SRRM3: variants seen among roughly 807,000 people sequenced by gnomAD.
SRRM3 encodes the protein serine/arginine repetitive matrix protein 3.
In SRRM3, 27 loss-of-function variants were observed where a neutral mutation model predicts 66.2. That is an observed-to-expected ratio of 0.41 (90% CI 0.30 to 0.56). The LOEUF (loss-of-function observed/expected upper bound fraction) is 0.56. Among genes scored for constraint, SRRM3 ranks in the 20% least tolerant of loss-of-function variants. SRRM3 has a pLI of 0.32. For synonymous variants in SRRM3, 391 were observed against 414.9 expected, an observed-to-expected ratio of 0.94 and a Z score of 0.70; for missense variants, 918 against 991.9, an observed-to-expected ratio of 0.93 and a Z score of 1.00.
At chr7:76,206,295 G>A (rs564820104) in intron 1 of SRRM3, among the ~76,000 whole-genome samples, 18 of 152,254 alleles carry the variant, frequency 1.2e-4, no homozygotes, top group African/African-American at 3.1e-4. Context: ...GAGAAGAGTC[G>A]GATGAGGGGA....
At chr7:76,244,884 C>G (rs1801399306) in intron 2 of SRRM3, among the ~76,000 whole-genome samples, 1 of 152,264 alleles carries the variant, frequency 6.6e-6, no homozygotes, top group South Asian at 2.1e-4. Flanking sequence ...TCATTTAGCA[C>G]ACATTTTTGG....
Position 76,267,425 on chromosome 7 carries a change from G to C in SRRM3, c.998G>C (p.Ser333Thr). 7.3e-7 allele frequency: 1 copy of C among 1,365,878 alleles called. No individual in the cohort carries two copies. Among genetic ancestry groups the C allele is most frequent in the Non-Finnish European group, 9.4e-7 (1 of 1,064,694 alleles). The allele number at this position is 1,365,878 out of a possible 1,614,324, so 84.6% of individuals were successfully genotyped here. A position where few individuals can be genotyped will look rare whatever the true frequency, so the allele number is the denominator to read the frequency against. The change falls in exon 11 of 15, where the codon AGC becomes ACC. Residue 333 changes from serine to threonine, a missense_variant. By Grantham distance (58) the Ser-to-Thr change is moderately conservative. Transcript: ENST00000611745. ...AHGGRPGSAHSPPDKPSSPSP... is the reference protein window; with the variant it reads ...AHGGRPGSAHTPPDKPSSPSP... ...GGGGGCCGCCCCGGCTCGGCGCACA[G>C]CCCGCCCGATGTACGTACGCTTCGC...
intron 11 of SRRM3, among the ~76,000 whole-genome samples, chr7:76,278,314 C>G (rs1583941566): frequency 1.3e-5 from 2 of 152,066 alleles, no homozygotes; most frequent in African/African-American, 4.8e-5. Context: ...TGGTGAAACC[C>G]TGTCTCTACT....
At chr7:76,221,564 G>A (rs190649676) in intron 1 of SRRM3, among the ~76,000 whole-genome samples, 221 of 151,656 alleles carry the variant, frequency 1.5e-3, no homozygotes, top group African/African-American at 4.9e-3. Context: ...GGGTTTCACC[G>A]TATTAGCCAG....
intron 11 of SRRM3, among the ~76,000 whole-genome samples, chr7:76,272,137 C>A (rs1802230208): frequency 6.6e-6 from 1 of 152,214 alleles, no homozygotes; most frequent in African/African-American, 2.4e-5. Flanking sequence ...CCCACCAGCA[C>A]AACCTGGTGC....
chr7:76,260,810 G>A, intron 5 of SRRM3, 64 bp from the exon 6 acceptor site: 1 of 1,509,396 alleles, frequency 6.6e-7, no homozygotes, highest in Non-Finnish European at 9.0e-7. Context: ...ACCCTGGCAA[G>A]TGTCTGGGGC....
chr7:76,281,867 C>T, intron 12 of SRRM3, 65 bp downstream of exon 12: 3 of 1,103,654 alleles, frequency 2.7e-6, no homozygotes, highest in Non-Finnish European at 3.3e-6. Flanking sequence ...CCTCCACTAG[C>T]GGATCCCTGC....
At chr7:76,243,028 A>G (rs1167852855) in intron 2 of SRRM3, among the ~76,000 whole-genome samples, 1 of 152,162 alleles carries the variant, frequency 6.6e-6, no homozygotes, top group African/African-American at 2.4e-5. Flanking sequence ...GCACCAAGCC[A>G]TTCTTGAGGG....
chr7:76,217,485 A>G (rs1316637705), intron 1 of SRRM3, among the ~76,000 whole-genome samples: 1 of 152,034 alleles, frequency 6.6e-6, no homozygotes, highest in Non-Finnish European at 1.5e-5. Context: ...GAGTTTCCCC[A>G]TATTGGCCAG....
At chr7:76,230,318 G>C (rs1443026024) in intron 1 of SRRM3, among the ~76,000 whole-genome samples, 1 of 151,904 alleles carries the variant, frequency 6.6e-6, no homozygotes, top group Non-Finnish European at 1.5e-5. Context: ...CAACAAAATG[G>C]GATATTAGCA....
At chr7:76,239,727 A>AAAAAC (rs1465096922) in intron 2 of SRRM3, among the ~76,000 whole-genome samples, 25 of 152,228 alleles carry the variant, frequency 1.6e-4, no homozygotes, top group African/African-American at 5.1e-4. Flanking sequence ...AAACAAAAAC[A>AAAAAC]AAAACAAAAC....
intron 1 of SRRM3, among the ~76,000 whole-genome samples, chr7:76,222,682 C>T (rs1412352981): frequency 3.3e-5 from 5 of 151,992 alleles, no homozygotes; most frequent in Admixed American, 6.6e-5. Flanking sequence ...AGTGCAGTGG[C>T]GTGATCTTGA....
At position 76,235,259 on chromosome 7, in the gene SRRM3, C is replaced by A. The variant is rs1554604708; in HGVS notation, c.193C>A (p.Leu65Ile). 6.5e-7 allele frequency: 1 copy of A among 1,539,730 alleles called. No individual in the cohort carries two copies. The highest frequency in any genetic ancestry group is 1.9e-5 in the Admixed American group (1 of 51,308). ...LDHERKRRVE[L>I]KCMELQEMME... ...CCACGAGCGCAAGCGGCGGGTGGAG[C>A]TCAAGTGCATGGAGCTGCAGGAGAT... The change falls in exon 2 of 15, where the codon CTC becomes ATC. Residue 65 changes from leucine to isoleucine, a missense_variant. Leu to Ile is a conservative substitution (Grantham distance 5). Transcript: ENST00000611745.
At chr7:76,251,520 G>A (rs1265402632) in intron 3 of SRRM3, among the ~76,000 whole-genome samples, 5 of 152,194 alleles carry the variant, frequency 3.3e-5, no homozygotes, top group East Asian at 1.9e-4. Flanking sequence ...GACTACAGGC[G>A]CACGCTGCCA....
At chr7:76,236,005 C>CAA (rs1161706465) in intron 2 of SRRM3, among the ~76,000 whole-genome samples, 964 of 20,076 alleles carry the variant, frequency 0.048, 79 homozygotes, top group East Asian at 0.14. Context: ...GATTCTGTCT[C>CAA]AAAAAAAAAA....
At position 76,282,722 on chromosome 7, in the gene SRRM3, G is replaced by A; in HGVS notation, c.1445G>A (p.Gly482Asp). 1 of 1,446,582 alleles carries A rather than the reference G, an allele frequency of 6.9e-7. No individual in the cohort carries two copies. Among genetic ancestry groups the A allele is most frequent in the Non-Finnish European group, 9.0e-7 (1 of 1,105,162 alleles). 89.6% of individuals were successfully genotyped at this position (1,446,582 alleles called of 1,614,324 possible). ...PSPGAHGRRG[G>D]PEGKSSSRSP... ...CCGGGCGCGCACGGCCGGCGCGGCG[G>A]CCCAGAAGGGAAGAGCTCGTCGCGC... Residue 482 changes from glycine to aspartate, a missense_variant, in exon 13 of 15, where the codon GGC becomes GAC. Coordinates refer to ENST00000611745, the MANE Select transcript of SRRM3 (RefSeq NM_001110199.3).
intron 1 of SRRM3, among the ~76,000 whole-genome samples, chr7:76,223,882 CT>C (rs1800784398): frequency 9.1e-6 from 1 of 110,492 alleles, no homozygotes; most frequent in African/African-American, 3.7e-5. Flanking sequence ...CTTCCCTTCC[CT>C]TCCCTTCCCT....
In SRRM3 at chr7:76,259,947, G is replaced by T; in HGVS notation, c.377G>T (p.Gly126Val). 1.2e-6 allele frequency: 2 copies of T among 1,601,964 alleles called. No homozygotes were observed. Among genetic ancestry groups the T allele is most frequent in the Non-Finnish European group, 1.7e-6 (2 of 1,179,490 alleles). ...CGGCTGACCGAGGGCGCTGAGCCGG[G>T]CCTGGAGTACGCGCCCTTTGACGAT... ...TPRLTEGAEP[G>V]LEYAPFDDDD... Residue 126 changes from glycine (G) to valine (V), a missense_variant, in exon 4 of 15, where the codon GGC (glycine) becomes GTC (valine). Gly to Val is a moderately radical substitution (Grantham distance 109, BLOSUM62 -3). Coordinates refer to ENST00000611745, the MANE Select transcript of SRRM3 (RefSeq NM_001110199.3).
At position 76,281,544 on chromosome 7, in the gene SRRM3, C is replaced by G. The variant is rs1315103494; in HGVS notation, c.1112C>G (p.Ser371Trp). Reference protein sequence around the residue: ...KESPSPRSAPSSQGRGGRAAG... With the variant: ...KESPSPRSAPWSQGRGGRAAG... ...AGCCCGAGCCCGCGCTCGGCGCCGT[C>G]GTCCCAAGGTCGCGGAGGCCGCGCG... The change falls in exon 12 of 15, where the codon TCG (serine) becomes TGG (tryptophan). Residue 371 changes from serine to tryptophan, a missense_variant. Transcript: ENST00000611745. The G allele has an allele frequency of 2.6e-6, 3 of 1,137,572 alleles. No homozygotes were observed. The highest frequency in any genetic ancestry group is 3.2e-6 in the Non-Finnish European group (3 of 927,354). The allele number at this position is 1,137,572 out of a possible 1,614,324, so 70.5% of individuals were successfully genotyped here.
Sources: allele counts gnomAD v4.1 joint callset (sites outside exome capture counted in the v4.1 genomes callset), GRCh38; gene constraint gnomAD v4.1.1; transcripts MANE v1.5; gene names NCBI Gene and HGNC (gene_info 2026-07-23, HGNC 2026-07-21).